The following RRP15 variants were observed in gnomAD, a reference collection of about 807,000 sequenced individuals.
RRP15 encodes the protein ribosomal RNA processing 15 homolog.
In RRP15, 18 loss-of-function variants were observed where a neutral mutation model predicts 27.1. That is an observed-to-expected ratio of 0.66 (90% CI 0.46 to 0.98). RRP15 has a LOEUF of 0.98. Ranked by LOEUF, RRP15 falls within the 50% of genes least tolerant of loss-of-function variation. The pLI, the probability that RRP15 is intolerant of heterozygous loss-of-function variation, is 0.00. For missense variants in RRP15, 359 were observed against 337.8 expected (o/e 1.06, Z -0.49); for synonymous variants, 107 against 109.4 (o/e 0.98, Z 0.14).
At chr1:218,309,197 T>C (rs1164332328) in intron 4 of RRP15, among the ~76,000 whole-genome samples, 2 of 152,196 alleles carry the variant, frequency 1.3e-5, no homozygotes, top group Non-Finnish European at 2.9e-5. Flanking sequence ...GCTCTAAAAG[T>C]AATTTGTTTC....
chr1:218,333,970 A>G lies in RRP15; in HGVS notation c.*2879A>G, dbSNP rs753090607. 2.0e-5 allele frequency: 3 copies of G among 152,136 alleles called. No individual in the cohort carries two copies. The highest frequency in any genetic ancestry group is 6.5e-5 in the Admixed American group (1 of 15,278). 9.4% of individuals were successfully genotyped at this position (152,136 alleles called of 1,614,324 possible). Reference sequence around the variant, plus strand: ...TAGGAACCAATAATTTGGAAGTATTATTTCCTTATTTCATATATAGAAATA... The same window carrying G: ...TAGGAACCAATAATTTGGAAGTATTGTTTCCTTATTTCATATATAGAAATA... On this transcript the variant is annotated 3_prime_UTR_variant, in exon 5 of 5. Coordinates refer to ENST00000366932, the MANE Select transcript of RRP15 (RefSeq NM_016052.4).
At chr1:218,314,704 A>G (rs982168921) in intron 4 of RRP15, among the ~76,000 whole-genome samples, 1 of 151,990 alleles carries the variant, frequency 6.6e-6, no homozygotes, top group Non-Finnish European at 1.5e-5. Flanking sequence ...TTAGAAAATG[A>G]TTTTTTGGCG....
intron 1 of RRP15, among the ~76,000 whole-genome samples, chr1:218,291,283 A>T (rs1655635461): frequency 6.6e-6 from 1 of 151,844 alleles, no homozygotes; most frequent in Admixed American, 6.6e-5. Context: ...CCAAAAAAAA[A>T]ATATACAAAA....
chr1:218,295,915 T>C (rs1655711178), intron 1 of RRP15, among the ~76,000 whole-genome samples: 2 of 152,184 alleles, frequency 1.3e-5, no homozygotes, highest in Non-Finnish European at 2.9e-5. Context: ...AAGGTAACTT[T>C]TTTTTTTTGA....
At chr1:218,312,481 A>C (rs1217969378) in intron 4 of RRP15, among the ~76,000 whole-genome samples, 2 of 152,072 alleles carry the variant, frequency 1.3e-5, no homozygotes, top group African/African-American at 4.8e-5. Flanking sequence ...GGATGTGAGA[A>C]GACATAAAAA....
intron 1 of RRP15, among the ~76,000 whole-genome samples, chr1:218,288,696 GT>G (rs548400869): frequency 7.2e-5 from 11 of 152,354 alleles, no homozygotes; most frequent in Non-Finnish European, 1.2e-4. Context: ...TATCTGGAAA[GT>G]GAAAGCGTTG....
At chr1:218,325,505 A>G (rs1303226112) in intron 4 of RRP15, among the ~76,000 whole-genome samples, 1 of 152,102 alleles carries the variant, frequency 6.6e-6, no homozygotes, top group African/African-American at 2.4e-5. Context: ...TAGGTTGGAT[A>G]TTATTTTCCT....
chr1:218,290,438 T>A (rs553150125), intron 1 of RRP15, among the ~76,000 whole-genome samples: 24 of 152,110 alleles, frequency 1.6e-4, no homozygotes, highest in African/African-American at 5.6e-4. Flanking sequence ...ATGTGGATTT[T>A]TTTTGGGTTT....
At chr1:218,330,923 A>G (rs1354673065) in intron 4 of RRP15, 25 bp from the exon 5 acceptor site, 1 of 1,602,672 alleles carries the variant, frequency 6.2e-7, no homozygotes, top group African/African-American at 1.3e-5. Flanking sequence ...ACTTTTGAAT[A>G]TTTTGATTCT....
chr1:218,307,042 T>G (rs999477508), intron 3 of RRP15, among the ~76,000 whole-genome samples: 12 of 152,198 alleles, frequency 7.9e-5, no homozygotes, highest in African/African-American at 2.7e-4. Context: ...AAAATAAGTA[T>G]TTTTTAAAGT....
At chr1:218,309,539 T>G (rs1655957444) in intron 4 of RRP15, among the ~76,000 whole-genome samples, 1 of 151,670 alleles carries the variant, frequency 6.6e-6, no homozygotes, top group Admixed American at 6.6e-5. Flanking sequence ...AAAAATTAAC[T>G]GGGCATGGTG....
chr1:218,327,279 TAA>T (rs1012215922), intron 4 of RRP15, among the ~76,000 whole-genome samples: 3 of 152,294 alleles, frequency 2.0e-5, no homozygotes, highest in Admixed American at 6.5e-5. Flanking sequence ...GATTAGAATT[TAA>T]AGAGTCATTC....
chr1:218,318,742 CT>C lies in RRP15; in HGVS notation c.705+11123del, dbSNP rs398053827. Among the ~76,000 whole-genome samples the C allele has an allele frequency of 5.6e-3, 812 of 145,114 alleles. 3 individuals carry two copies. Among genetic ancestry groups the C allele is most frequent in the Non-Finnish European group, 7.6e-3 (502 of 65,864 alleles). On this transcript the variant is annotated intron_variant, in intron 4 of 4. Transcript: ENST00000366932. ...CACTTGGTTAAAGTGATAATAAATACTTTTTTTTTTTTTATTAAAGGTGCAC... is the reference window on the plus strand; with the variant it reads ...CACTTGGTTAAAGTGATAATAAATACTTTTTTTTTTTTATTAAAGGTGCAC...
At chr1:218,314,655 T>G (rs1571803624) in intron 4 of RRP15, among the ~76,000 whole-genome samples, 1 of 152,054 alleles carries the variant, frequency 6.6e-6, no homozygotes, top group African/African-American at 2.4e-5. Flanking sequence ...AAACTGAAAT[T>G]ATAATTTTAT....
chr1:218,330,869 T>C, intron 4 of RRP15, 79 bp from the exon 5 acceptor site: 1 of 1,294,266 alleles, frequency 7.7e-7, no homozygotes, highest in African/African-American at 1.5e-5. Context: ...ATTGAAAAGT[T>C]TGTTTTGTAG....
chr1:218,312,471 G>A (rs1395608960), intron 4 of RRP15, among the ~76,000 whole-genome samples: 1 of 151,786 alleles, frequency 6.6e-6, no homozygotes, highest in Non-Finnish European at 1.5e-5. Flanking sequence ...TACTGTTAGT[G>A]GATGTGAGAA....
Position 218,302,421 on chromosome 1 carries a change from T to TA in RRP15, c.268dup (p.Met90AsnfsTer9). The TA allele has an allele frequency of 6.2e-6, 10 of 1,614,028 alleles. No individual in the cohort carries two copies. The highest frequency in any genetic ancestry group is 8.5e-6 in the Non-Finnish European group (10 of 1,179,978). On this transcript the variant is annotated frameshift_variant, in exon 2 of 5. Transcript: ENST00000366932. LOFTEE classifies it high-confidence loss of function. ...ATGGAGAATCAAGTGTTGGGACTAA[T>TA]ATGGGCTGGGCAGATGCTATGGCTA...
intron 1 of RRP15, among the ~76,000 whole-genome samples, chr1:218,298,008 A>G (rs1201440729): frequency 1.3e-5 from 2 of 152,132 alleles, no homozygotes; most frequent in African/African-American, 4.8e-5. Context: ...ACTTGGTGTC[A>G]TTTTATAAAT....
rs887590398 is a variant in RRP15 at position 218,293,794 on chromosome 1, A to G, written c.139+8339A>G. On this transcript the variant is annotated intron_variant, in intron 1 of 4. Transcript: ENST00000366932. ...AGACTGCAGAAGTTTCCTAAGTTCC[A>G]TGGGGACAGAGACCTTGTTACTGTG... Among the ~76,000 whole-genome samples, 5 of 152,224 alleles carry G rather than the reference A, an allele frequency of 3.3e-5. No homozygotes were observed. The East Asian group carries it at 7.7e-4, about 23-fold the overall frequency.
Sources: gnomAD v4.1 joint callset for allele counts (sites outside exome capture counted in the v4.1 genomes callset) on GRCh38, gnomAD v4.1.1 for gene constraint, MANE v1.5 for transcripts, NCBI Gene and HGNC (gene_info 2026-07-23, HGNC 2026-07-21) for gene names.